Variants in PRKG1 observed in about 807,000 individuals in gnomAD.
The protein encoded by PRKG1 is cGMP-dependent protein kinase 1.
PRKG1 carries 35 observed loss-of-function variants against 88.1 expected under a neutral mutation model. The ratio of observed to expected loss-of-function variants is 0.40; its 90% CI spans 0.30 to 0.53. PRKG1 has a LOEUF of 0.53. Ranked by LOEUF, PRKG1 falls within the 20% of genes least tolerant of loss-of-function variation. The probability of loss-of-function intolerance (pLI) is 0.59; values close to 1 mark genes in which losing one functional copy is unlikely to be tolerated. For missense variants in PRKG1, 540 were observed against 839.8 expected (o/e 0.64, Z 4.41); for synonymous variants, 303 against 292.5 (o/e 1.04, Z -0.37).
chr10:51,788,307 T>G (rs893881815), intron 3 of PRKG1, among the ~76,000 whole-genome samples: 4 of 152,184 alleles, frequency 2.6e-5, no homozygotes, highest in Admixed American at 2.0e-4. Context: ...TGTTGAATGA[T>G]CAATTTTCTT....
intron 2 of PRKG1, chr10:51,245,055 C>G (rs1042120444): frequency 1.3e-5 from 2 of 152,074 alleles, no homozygotes; most frequent in African/African-American, 4.8e-5. Context: ...CTTCGCTTTT[C>G]CTCTTCTCCC....
chr10:51,101,473 G>T (rs1589152768), intron 1 of PRKG1, among the ~76,000 whole-genome samples: 1 of 152,132 alleles, frequency 6.6e-6, no homozygotes, highest in Non-Finnish European at 1.5e-5. Context: ...ACTAATACAG[G>T]TGCCAAAATC....
intron 2 of PRKG1, among the ~76,000 whole-genome samples, chr10:51,353,331 A>G (rs1842294139): frequency 6.6e-6 from 1 of 152,172 alleles, no homozygotes; most frequent in Non-Finnish European, 1.5e-5. Context: ...TCTGCACAGC[A>G]AAAGAAACAA....
intron 5 of PRKG1, among the ~76,000 whole-genome samples, chr10:52,019,212 C>T (rs948632509): frequency 6.6e-6 from 1 of 152,108 alleles, no homozygotes; most frequent in Non-Finnish European, 1.5e-5. Context: ...AGGGATTTGC[C>T]CCCATGACCC....
intron 3 of PRKG1, among the ~76,000 whole-genome samples, chr10:51,504,093 A>G (rs1841118029): frequency 6.6e-6 from 1 of 152,096 alleles, no homozygotes; most frequent in Non-Finnish European, 1.5e-5. Flanking sequence ...CCCTGTTAGG[A>G]TAAGAAAGAG....
At chr10:52,140,829 C>T (rs367769111) in intron 8 of PRKG1, among the ~76,000 whole-genome samples, 13 of 152,030 alleles carry the variant, frequency 8.6e-5, no homozygotes, top group East Asian at 1.9e-4. Flanking sequence ...ATTTGCCCAC[C>T]GAGGTCACCT....
intron 5 of PRKG1, among the ~76,000 whole-genome samples, chr10:51,923,805 A>C (rs1842513534): frequency 6.6e-6 from 1 of 151,482 alleles, no homozygotes; most frequent in Admixed American, 6.6e-5. Context: ...AAATGAATTT[A>C]TTTTGCCTTC....
intron 3 of PRKG1, among the ~76,000 whole-genome samples, chr10:51,686,339 T>C (rs1035235598): frequency 2.6e-5 from 4 of 152,090 alleles, no homozygotes; most frequent in African/African-American, 9.7e-5. Context: ...GTTGTTCCTC[T>C]CTTAGTATGC....
intron 2 of PRKG1, among the ~76,000 whole-genome samples, chr10:51,246,524 A>C (rs1345841630): frequency 1.3e-5 from 2 of 150,400 alleles, no homozygotes; most frequent in Admixed American, 1.3e-4. Flanking sequence ...AGACACTGAC[A>C]GTATGGCCAG....
At chr10:51,832,768 G>T (rs1175774281) in intron 4 of PRKG1, among the ~76,000 whole-genome samples, 1 of 152,134 alleles carries the variant, frequency 6.6e-6, no homozygotes, top group Non-Finnish European at 1.5e-5. Context: ...GAAGATTGGG[G>T]CTTCTCTGAA....
chr10:51,173,446 T>G (rs3862578), intron 2 of PRKG1, among the ~76,000 whole-genome samples: 68,567 of 149,174 alleles, frequency 0.46, 15,575 homozygotes, highest in African/African-American at 0.54. Flanking sequence ...GTGTGTGTGG[T>G]GTGTGTAAAT....
At chr10:51,873,644 C>T (rs938362427) in intron 4 of PRKG1, among the ~76,000 whole-genome samples, 3 of 151,666 alleles carry the variant, frequency 2.0e-5, no homozygotes, top group African/African-American at 7.3e-5. Context: ...TCTCTCACCT[C>T]AGCCTCCCAA....
Position 52,282,133 on chromosome 10 carries a change from T to G in PRKG1, c.1546-20T>G, listed in dbSNP as rs755939077. On this transcript the variant is annotated intron_variant, in intron 13 of 17. Coordinates refer to ENST00000373980, the MANE Select transcript of PRKG1 (RefSeq NM_006258.4). The stretch of plus-strand genomic sequence containing the variant: ...TTAATCATAAGGAGCTTAAGTATCT[T>G]GTTTTTCTCTCTTTGTAAGGTTGAT... The G allele has an allele frequency of 6.4e-7, 1 of 1,566,062 alleles. No individual in the cohort carries two copies. Among genetic ancestry groups the G allele is most frequent in the Non-Finnish European group, 8.7e-7 (1 of 1,155,318 alleles).
At chr10:51,848,189 G>C (rs1385282663) in intron 4 of PRKG1, among the ~76,000 whole-genome samples, 3 of 152,112 alleles carry the variant, frequency 2.0e-5, no homozygotes, top group Non-Finnish European at 2.9e-5. Flanking sequence ...ATTACAACAG[G>C]TATTGCAAGT....
At chr10:51,955,511 T>G (rs543346550) in intron 5 of PRKG1, among the ~76,000 whole-genome samples, 83 of 152,322 alleles carry the variant, frequency 5.4e-4, no homozygotes, top group African/African-American at 1.9e-3. Context: ...ATGCATTTGT[T>G]AACTATTTTG....
intron 3 of PRKG1, among the ~76,000 whole-genome samples, chr10:51,654,139 C>A (rs1192217197): frequency 6.6e-6 from 1 of 151,664 alleles, no homozygotes; most frequent in East Asian, 1.9e-4. Flanking sequence ...ATGTTTTCTT[C>A]TAGAGGTTTT....
chr10:52,124,677 T>C (rs1331010329), intron 7 of PRKG1, among the ~76,000 whole-genome samples: 1 of 152,148 alleles, frequency 6.6e-6, no homozygotes, highest in East Asian at 1.9e-4. Context: ...ATTTTTTACT[T>C]TATAAACTTT....
chr10:52,183,890 G>A (rs573537080), intron 9 of PRKG1, among the ~76,000 whole-genome samples: 4 of 152,208 alleles, frequency 2.6e-5, no homozygotes, highest in Admixed American at 6.5e-5. Context: ...ATCCTTATTT[G>A]TGATGGCAAT....
chr10:51,468,384 C>T (rs1839962238), intron 3 of PRKG1, among the ~76,000 whole-genome samples: 2 of 151,802 alleles, frequency 1.3e-5, no homozygotes, highest in African/African-American at 4.8e-5. Context: ...ATCTTTTCTA[C>T]TGATTGAGCT....
Sources: gnomAD v4.1 joint callset for allele counts (sites outside exome capture counted in the v4.1 genomes callset) on GRCh38, gnomAD v4.1.1 for gene constraint, MANE v1.5 for transcripts, NCBI Gene and HGNC (gene_info 2026-07-23, HGNC 2026-07-21) for gene names.